Variants in NTM observed in about 807,000 individuals in gnomAD.
NTM encodes the protein IgLON family member 2.
A neutral mutation model predicts 42.1 loss-of-function variants in NTM; 13 were observed. The ratio of observed to expected loss-of-function variants is 0.31; its 90% CI spans 0.20 to 0.49. The LOEUF is 0.49. Ranked by LOEUF, NTM falls within the 20% of genes least tolerant of loss-of-function variation. The pLI, the probability that NTM is intolerant of heterozygous loss-of-function variation, is 0.99. For synonymous variants in NTM, 187 were observed against 179.2 expected (o/e 1.04, Z -0.35); for missense variants, 373 against 452.8 (o/e 0.82, Z 1.60).
chr11:131,889,731 A>G (rs941944642), intron 1 of NTM, among the ~76,000 whole-genome samples: 3 of 152,108 alleles, frequency 2.0e-5, no homozygotes, highest in African/African-American at 7.2e-5. Flanking sequence ...GGGAAGTGCA[A>G]AGAGAGGCAC....
At chr11:131,818,380 A>G (rs577740052) in intron 1 of NTM, among the ~76,000 whole-genome samples, 1 of 152,154 alleles carries the variant, frequency 6.6e-6, no homozygotes, top group African/African-American at 2.4e-5. Context: ...TAAAATCTCA[A>G]CAGGTGCAAA....
chr11:131,457,148 T>C (rs530553170), intron 1 of NTM, among the ~76,000 whole-genome samples: 1 of 152,314 alleles, frequency 6.6e-6, no homozygotes, highest in Admixed American at 6.5e-5. Context: ...GTTGCTCTCC[T>C]CCAGGATCCA....
At chr11:131,441,971 G>A (rs1949658546) in intron 1 of NTM, among the ~76,000 whole-genome samples, 1 of 152,172 alleles carries the variant, frequency 6.6e-6, no homozygotes. Context: ...ATCAACAAGA[G>A]ATTGAATCAT....
intron 2 of NTM, among the ~76,000 whole-genome samples, chr11:131,980,506 C>T (rs1481608800): frequency 6.6e-6 from 1 of 152,162 alleles, no homozygotes; most frequent in African/African-American, 2.4e-5. Flanking sequence ...TTATGGCTTA[C>T]TTATTGAATT....
At chr11:131,860,910 A>T in intron 1 of NTM, among the ~76,000 whole-genome samples, 1 of 152,220 alleles carries the variant, frequency 6.6e-6, no homozygotes, top group African/African-American at 2.4e-5. Context: ...AATGCCAAAG[A>T]CACTGATGTC....
intron 3 of NTM, among the ~76,000 whole-genome samples, chr11:132,194,814 CTTTTTTTTTTTT>C (rs902871492): frequency 9.0e-6 from 1 of 110,650 alleles, no homozygotes; most frequent in African/African-American, 3.7e-5. Flanking sequence ...GCATTTCTTC[CTTTTTTTTTTTT>C]TTTTTTTTTT....
intron 3 of NTM, among the ~76,000 whole-genome samples, chr11:132,206,428 A>G (rs1375168811): frequency 6.6e-6 from 1 of 152,194 alleles, no homozygotes; most frequent in African/African-American, 2.4e-5. Context: ...AGCACATACA[A>G]TATTAAAACT....
intron 1 of NTM, among the ~76,000 whole-genome samples, chr11:131,636,273 A>G (rs1006525652): frequency 1.3e-5 from 2 of 152,024 alleles, no homozygotes; most frequent in African/African-American, 4.8e-5. Context: ...CTACGGCTAC[A>G]TTTTTTCCGT....
chr11:132,292,927 C>T (rs533569607), intron 4 of NTM, among the ~76,000 whole-genome samples: 2 of 151,614 alleles, frequency 1.3e-5, no homozygotes, highest in East Asian at 3.9e-4. Flanking sequence ...GAGTGAGATG[C>T]TTAAATTAAT....
chr11:132,255,923 C>G (rs760899755), intron 4 of NTM, among the ~76,000 whole-genome samples: 1 of 152,132 alleles, frequency 6.6e-6, no homozygotes, highest in Non-Finnish European at 1.5e-5. Flanking sequence ...CTCACAAATG[C>G]ATCTCACTCC....
chr11:132,142,063 T>C (rs1264873634), intron 2 of NTM, among the ~76,000 whole-genome samples: 1 of 152,154 alleles, frequency 6.6e-6, no homozygotes, highest in Non-Finnish European at 1.5e-5. Context: ...TCTTCATATA[T>C]GTGGCAGGAT....
At chr11:132,217,406 G>A (rs1477814967) in intron 4 of NTM, among the ~76,000 whole-genome samples, 1 of 151,270 alleles carries the variant, frequency 6.6e-6, no homozygotes. Context: ...GTATGTGTAT[G>A]TGTGGGGTGT....
intron 1 of NTM, among the ~76,000 whole-genome samples, chr11:131,616,776 GGGGTGTGTGTGTGTGTGT>G (rs2061979450): frequency 7.0e-6 from 1 of 143,170 alleles, no homozygotes; most frequent in African/African-American, 2.6e-5. Context: ...CTGTCTTGAG[GGGGTGTGTGTGTGTGTGT>G]GTGTGTGTGT....
intron 1 of NTM, among the ~76,000 whole-genome samples, chr11:131,426,199 G>T (rs538547996): frequency 6.6e-6 from 1 of 152,280 alleles, no homozygotes; most frequent in Non-Finnish European, 1.5e-5. Context: ...GACTCCTAGT[G>T]GCCATAATCT....
At position 131,659,629 on chromosome 11, in the gene NTM, C is replaced by A. The variant is rs148795636; in HGVS notation, c.83-251935C>A. Among the ~76,000 whole-genome samples the A allele has an allele frequency of 3.9e-5, 6 of 152,348 alleles. No individual in the cohort carries two copies. The East Asian group carries it at 9.6e-4, about 24-fold the overall frequency. ...TATATAGCAAGAAACATTTCTGAGT[C>A]AAATACCGTTAGGAAAAGTTTCAGC... On this transcript the variant is annotated intron_variant, in intron 1 of 8. Coordinates refer to ENST00000683400, the MANE Select transcript of NTM (RefSeq NM_001352005.2).
At chr11:131,822,976 C>T (rs1332819344) in intron 1 of NTM, among the ~76,000 whole-genome samples, 2 of 152,064 alleles carry the variant, frequency 1.3e-5, no homozygotes, top group African/African-American at 2.4e-5. Context: ...TTCTGTCTCC[C>T]TCCCTTCCTC....
chr11:131,975,380 A>G (rs1055332542), intron 2 of NTM, among the ~76,000 whole-genome samples: 2 of 151,944 alleles, frequency 1.3e-5, no homozygotes, highest in African/African-American at 4.8e-5. Flanking sequence ...GGGTTTCACC[A>G]TGTTGGCCAG....
At chr11:131,851,976 C>A (rs1032304155) in intron 1 of NTM, among the ~76,000 whole-genome samples, 1 of 152,136 alleles carries the variant, frequency 6.6e-6, no homozygotes, top group African/African-American at 2.4e-5. Flanking sequence ...GCCTGGAACC[C>A]GGGTCTGGGG....
intron 1 of NTM, among the ~76,000 whole-genome samples, chr11:131,761,856 T>C (rs1305529566): frequency 7.9e-6 from 1 of 126,310 alleles, no homozygotes; most frequent in Non-Finnish European, 1.7e-5. Flanking sequence ...AATAAATAAA[T>C]AAATAATAAA....
Sources: allele counts gnomAD v4.1 joint callset (sites outside exome capture counted in the v4.1 genomes callset), GRCh38; gene constraint gnomAD v4.1.1; transcripts MANE v1.5; gene names NCBI Gene and HGNC (gene_info 2026-07-23, HGNC 2026-07-21).